Variants in NSD3 observed in about 807,000 individuals in gnomAD.
NSD3 encodes the protein nuclear receptor binding SET domain protein 3, also known as histone-lysine N-methyltransferase NSD3.
A neutral mutation model predicts 160.8 loss-of-function variants in NSD3; 24 were observed. That is an observed-to-expected ratio of 0.15 (90% CI 0.11 to 0.21). The LOEUF (loss-of-function observed/expected upper bound fraction) is 0.21, where lower values mean the gene tolerates loss of function less well. Among genes scored for constraint, NSD3 ranks in the 10% least tolerant of loss-of-function variants. NSD3 has a pLI of 1.00. For synonymous variants in NSD3, 520 were observed against 600.0 expected (o/e 0.87, Z 1.95); for missense variants, 1,157 against 1,735.9 (o/e 0.67, Z 5.93).
At chr8:38,333,083 T>C (rs1325242472) in intron 4 of NSD3, among the ~76,000 whole-genome samples, 1 of 152,024 alleles carries the variant, frequency 6.6e-6, no homozygotes, top group Non-Finnish European at 1.5e-5. Flanking sequence ...AACTAATAAG[T>C]GAATTTCAAG....
At position 38,273,160 on chromosome 8, in the gene NSD3, GCTC is replaced by G. The variant is rs747755647; in HGVS notation, c.*2478_*2480del. 6.6e-6 allele frequency: 1 copy of G among 152,078 alleles called. No individual in the cohort carries two copies. The highest frequency in any genetic ancestry group is 2.4e-5 in the African/African-American group (1 of 41,376). 9.4% of individuals were successfully genotyped at this position (152,078 alleles called of 1,614,324 possible). A position where few individuals can be genotyped will look rare whatever the true frequency, so the allele number is the denominator to read the frequency against. ...CTACAGGTATGTGCCACCATGCCCG[GCTC>G]CTTTTTGTATTTTTAGCAGAGACAG... On this transcript the variant is annotated 3_prime_UTR_variant, in exon 24 of 24. Coordinates refer to ENST00000317025, the MANE Select transcript of NSD3 (RefSeq NM_023034.2).
In NSD3 at chr8:38,288,148, T is replaced by G. The variant is rs1210216783; in HGVS notation, c.3501+339A>C. On this transcript the variant is annotated intron_variant, in intron 19 of 23. Coordinates refer to ENST00000317025, the MANE Select transcript of NSD3 (RefSeq NM_023034.2). The surrounding 1 kb of genome is among the most constrained non-coding windows in gnomAD (Gnocchi z 4.5). ...AGTGAGCTATGAACACGCCACTGTA[T>G]TCCAGCATGGGTAACAGAATGGGGA... is the stretch of plus-strand genomic sequence containing the variant. 1.3e-5 allele frequency among the ~76,000 whole-genome samples: 2 copies of G among 152,024 alleles called. No individual in the cohort carries two copies. The highest frequency in any genetic ancestry group is 2.9e-5 in the Non-Finnish European group (2 of 68,018).
At position 38,315,475 on chromosome 8, in the gene NSD3, T is replaced by A; in HGVS notation, c.2056A>T (p.Met686Leu). The change falls in exon 11 of 24, where the codon ATG becomes TTG. Residue 686 changes from methionine (M) to leucine (L), a missense_variant. By Grantham distance (15) the Met-to-Leu change is conservative. Transcript: ENST00000317025. ...CCTCTTCTCGACAAACTTGAATCCA[T>A]GGACTGCACATCAGAAACGTCTGCA... is the stretch of plus-strand genomic sequence containing the variant. ...ADADVSDVQS[M>L]DSSLSRRGTG... 1 of 1,611,422 alleles carries A rather than the reference T, an allele frequency of 6.2e-7. No homozygotes were observed. The highest frequency in any genetic ancestry group is 1.3e-5 in the African/African-American group (1 of 74,880).
intron 12 of NSD3, among the ~76,000 whole-genome samples, chr8:38,308,428 CTT>C (rs1809456982): frequency 6.6e-6 from 1 of 151,934 alleles, no homozygotes; most frequent in African/African-American, 2.4e-5. Context: ...TTTAAAATAA[CTT>C]TTAAAAGTTT....
chr8:38,329,309 T>A lies in NSD3; in HGVS notation c.1581+69A>T. 2 of 1,521,256 alleles carry A rather than the reference T, an allele frequency of 1.3e-6. No homozygotes were observed. Among genetic ancestry groups the A allele is most frequent in the African/African-American group, 2.8e-5 (2 of 71,774 alleles). The allele number at this position is 1,521,256 out of a possible 1,614,324, so 94.2% of individuals were successfully genotyped here. On this transcript the variant is annotated intron_variant, in intron 6 of 23. Transcript: ENST00000317025. This position sits in a 1 kb window ranked among gnomAD's most constrained non-coding sequence, Gnocchi z 4.8. ...TATTTAAATTATGCCAAGGTCATTG[T>A]TTTAAATGCCAAGGTTGACCACTTT...
chr8:38,364,550 T>C (rs1585926735), intron 1 of NSD3, among the ~76,000 whole-genome samples: 1 of 152,308 alleles, frequency 6.6e-6, no homozygotes, highest in Middle Eastern at 3.4e-3. Flanking sequence ...GGGGTAGACC[T>C]GATACAAATA....
chr8:38,358,939 C>T (rs915247903), intron 1 of NSD3, among the ~76,000 whole-genome samples: 19 of 151,676 alleles, frequency 1.3e-4, no homozygotes, highest in African/African-American at 4.1e-4. Context: ...TTTTAATATG[C>T]TCCATTATTT....
At chr8:38,344,541 T>C (rs1223619909) in intron 2 of NSD3, among the ~76,000 whole-genome samples, 1 of 152,172 alleles carries the variant, frequency 6.6e-6, no homozygotes, top group Non-Finnish European at 1.5e-5. Context: ...CCCAAAGGGC[T>C]GGTATTACAG....
At chr8:38,287,907 G>A (rs1026473906) in intron 19 of NSD3, among the ~76,000 whole-genome samples, 4 of 152,072 alleles carry the variant, frequency 2.6e-5, no homozygotes, top group African/African-American at 7.2e-5. Context: ...CACTGTGCCC[G>A]GCTGATTTTT....
chr8:38,372,753 C>T (rs1289974086), intron 1 of NSD3, among the ~76,000 whole-genome samples: 1 of 151,178 alleles, frequency 6.6e-6, no homozygotes, highest in Non-Finnish European at 1.5e-5. Context: ...GCCTCGGCCT[C>T]CCAAAGTGCT....
At chr8:38,336,519 A>T (rs1414681711) in intron 4 of NSD3, among the ~76,000 whole-genome samples, 1 of 152,200 alleles carries the variant, frequency 6.6e-6, no homozygotes, top group African/African-American at 2.4e-5. Context: ...TGTAGAGGAA[A>T]AAAAAGCATC....
intron 1 of NSD3, among the ~76,000 whole-genome samples, chr8:38,352,346 G>A (rs1293565011): frequency 6.6e-6 from 1 of 151,730 alleles, no homozygotes; most frequent in East Asian, 1.9e-4. Context: ...TGAACTGTAT[G>A]TATTGCTTTA....
intron 14 of NSD3, among the ~76,000 whole-genome samples, chr8:38,301,442 T>A (rs1167310229): frequency 1.3e-5 from 2 of 152,106 alleles, no homozygotes; most frequent in African/African-American, 4.8e-5. Context: ...TAGCCAGGCG[T>A]GGTGGCACAT....
At chr8:38,310,284 TG>T (rs1809501579) in intron 12 of NSD3, among the ~76,000 whole-genome samples, 1 of 152,238 alleles carries the variant, frequency 6.6e-6, no homozygotes, top group Non-Finnish European at 1.5e-5. Flanking sequence ...CAATATTTGT[TG>T]GCCTTTTATA....
intron 16 of NSD3, among the ~76,000 whole-genome samples, chr8:38,295,228 T>C (rs1360783012): frequency 2.0e-5 from 3 of 149,998 alleles, no homozygotes; most frequent in Non-Finnish European, 4.4e-5. Flanking sequence ...CAAAATCTAG[T>C]AGTACATAGC....
intron 14 of NSD3, among the ~76,000 whole-genome samples, chr8:38,301,915 A>G (rs1809286325): frequency 6.6e-6 from 1 of 152,236 alleles, no homozygotes; most frequent in African/African-American, 2.4e-5. Context: ...TAAAATTACC[A>G]TTACAAAGAA....
In NSD3 at chr8:38,278,336, G is replaced by A; in HGVS notation, c.3837C>T (p.Asn1279=). Residue 1279 remains asparagine (N), a synonymous_variant, in exon 22 of 24, where the codon AAC becomes AAT. Coordinates refer to ENST00000317025, the MANE Select transcript of NSD3 (RefSeq NM_023034.2). ...GRTECHCGAD[N]CSGFLGVRPK... is the part of the protein sequence containing the mutation. ...GCCGCACTCCTAGAAAACCACTGCAGTTATCTGCTCCACAGTGGCACTCCG... is the reference window on the plus strand; with the variant it reads ...GCCGCACTCCTAGAAAACCACTGCAATTATCTGCTCCACAGTGGCACTCCG... 6.2e-7 allele frequency: 1 copy of A among 1,613,998 alleles called. No homozygotes were observed. Among genetic ancestry groups the A allele is most frequent in the East Asian group, 2.2e-5 (1 of 44,878 alleles).
chr8:38,326,438 G>C (rs1453841271), intron 7 of NSD3, among the ~76,000 whole-genome samples: 2 of 152,194 alleles, frequency 1.3e-5, no homozygotes, highest in Non-Finnish European at 2.9e-5. Context: ...TATGCAAAGA[G>C]AGATAGTCGA....
intron 1 of NSD3, among the ~76,000 whole-genome samples, chr8:38,365,283 T>A (rs1489492909): frequency 6.6e-6 from 1 of 152,208 alleles, no homozygotes; most frequent in African/African-American, 2.4e-5. Flanking sequence ...TTTCTCCTTG[T>A]AGAGTCTTAT....
Sources: gnomAD v4.1 joint callset for allele counts (sites outside exome capture counted in the v4.1 genomes callset) on GRCh38, gnomAD v4.1.1 for gene constraint, Gnocchi (gnomAD v3.1) non-coding constraint, MANE v1.5 for transcripts, NCBI Gene and HGNC (gene_info 2026-07-23, HGNC 2026-07-21) for gene names.